The following CHN1 variants were observed in gnomAD, a reference collection of about 807,000 sequenced individuals.
CHN1 encodes N-chimaerin.
In CHN1, 37 loss-of-function variants were observed where a neutral mutation model predicts 59.5. The ratio of observed to expected loss-of-function variants is 0.62; its 90% CI spans 0.48 to 0.82. The LOEUF (loss-of-function observed/expected upper bound fraction) is 0.82. CHN1 is among the 40% of genes least tolerant of loss of function. The pLI, the probability that CHN1 is intolerant of heterozygous loss-of-function variation, is 0.00. For synonymous variants in CHN1, 206 were observed against 200.4 expected, an observed-to-expected ratio of 1.03 and a Z score of -0.24; for missense variants, 469 against 571.0, an observed-to-expected ratio of 0.82 and a Z score of 1.82.
chr2:174,880,971 G>C (rs1052052164), intron 5 of CHN1, among the ~76,000 whole-genome samples: 5 of 151,722 alleles, frequency 3.3e-5, no homozygotes, highest in African/African-American at 1.2e-4. Context: ...GCTTGAATCT[G>C]GGAGGTGGAG....
At chr2:174,932,579 T>G (rs1005621720) in intron 3 of CHN1, among the ~76,000 whole-genome samples, 1 of 152,202 alleles carries the variant, frequency 6.6e-6, no homozygotes, top group Non-Finnish European at 1.5e-5. Context: ...AAGTTAGTGA[T>G]ATGGTTTAGA....
At chr2:174,974,898 TACACACACACACACACACAC>T (rs373940330) in intron 1 of CHN1, among the ~76,000 whole-genome samples, 2 of 144,368 alleles carry the variant, frequency 1.4e-5, no homozygotes, top group East Asian at 4.1e-4. Flanking sequence ...AAATAATTAA[TACACACACACACACACACAC>T]ACACACACAC....
intron 11 of CHN1, among the ~76,000 whole-genome samples, chr2:174,805,010 A>G (rs1156542066): frequency 1.3e-5 from 2 of 152,258 alleles, no homozygotes; most frequent in Non-Finnish European, 1.5e-5. Context: ...CATTTTTTAT[A>G]GAACACAACT....
intron 1 of CHN1, among the ~76,000 whole-genome samples, chr2:174,965,446 G>C (rs1333675179): frequency 6.6e-6 from 1 of 152,030 alleles, no homozygotes; most frequent in Non-Finnish European, 1.5e-5. Flanking sequence ...TTAAATTTAA[G>C]CTGTTTATTT....
chr2:174,820,128 T>C (rs1250996776), intron 8 of CHN1, among the ~76,000 whole-genome samples: 2 of 152,182 alleles, frequency 1.3e-5, no homozygotes, highest in East Asian at 3.9e-4. Context: ...ACAATAAACA[T>C]ACGTGTGCAT....
intron 8 of CHN1, 67 bp downstream of exon 8, chr2:174,824,367 C>CT: frequency 2.6e-6 from 3 of 1,152,302 alleles, no homozygotes; most frequent in Non-Finnish European, 3.7e-6. Context: ...AACAACAAGT[C>CT]TCCTTCTACC....
chr2:174,868,895 T>C (rs1687312596), intron 6 of CHN1, among the ~76,000 whole-genome samples: 2 of 152,136 alleles, frequency 1.3e-5, no homozygotes, highest in Admixed American at 1.3e-4. Context: ...AGTTAGACTG[T>C]GAGAGGGAAA....
chr2:174,920,940 G>T (rs1466628333), intron 3 of CHN1: 1 of 429,128 alleles, frequency 2.3e-6, no homozygotes, highest in African/African-American at 2.0e-5. Context: ...GACAGTGACA[G>T]ATCATCAAGC....
At chr2:174,806,316 A>G (rs1684883906) in intron 11 of CHN1, among the ~76,000 whole-genome samples, 1 of 152,216 alleles carries the variant, frequency 6.6e-6, no homozygotes, top group Admixed American at 6.5e-5. Flanking sequence ...TTCCTCCAAG[A>G]AAGCTGCAAA....
chr2:174,956,054 A>C (rs1690193761), intron 1 of CHN1, among the ~76,000 whole-genome samples: 1 of 152,220 alleles, frequency 6.6e-6, no homozygotes, highest in Non-Finnish European at 1.5e-5. Flanking sequence ...ATTAAAAAAC[A>C]ATTGTGGAAA....
intron 6 of CHN1, among the ~76,000 whole-genome samples, chr2:174,869,764 G>A (rs1687345414): frequency 6.6e-6 from 1 of 152,202 alleles, no homozygotes; most frequent in Non-Finnish European, 1.5e-5. Context: ...CTCAAGGGAT[G>A]AGGACTACAG....
At position 174,813,847 on chromosome 2, in the gene CHN1, T is replaced by C. The variant is rs191378713; in HGVS notation, c.713-1365A>G. 1.3e-3 allele frequency among the ~76,000 whole-genome samples: 198 copies of C among 152,324 alleles called. 1 individual carries two copies. The highest frequency in any genetic ancestry group is 1.1e-3 in the Non-Finnish European group (73 of 68,024). ...GCTGTTTCTGGCAGAAAGACGATCC[T>C]AATATTCACCTCACAAAATTGTTTT... On this transcript the variant is annotated intron_variant, in intron 8 of 12. Transcript: ENST00000409900.
chr2:174,906,909 A>T (rs1574150766), intron 5 of CHN1, among the ~76,000 whole-genome samples: 1 of 152,166 alleles, frequency 6.6e-6, no homozygotes, highest in Non-Finnish European at 1.5e-5. Context: ...AAAGGGGGGA[A>T]AAAATGAGGA....
chr2:174,868,940 G>A (rs1441318169), intron 6 of CHN1, among the ~76,000 whole-genome samples: 1 of 152,186 alleles, frequency 6.6e-6, no homozygotes, highest in African/African-American at 2.4e-5. Context: ...TGTGGTACCT[G>A]GTACCATGAG....
At chr2:174,828,643 A>C (rs1685772353) in intron 7 of CHN1, among the ~76,000 whole-genome samples, 2 of 152,232 alleles carry the variant, frequency 1.3e-5, no homozygotes, top group Admixed American at 6.5e-5. Context: ...CTGTTTTAAA[A>C]ATGATGAAAT....
intron 1 of CHN1, among the ~76,000 whole-genome samples, chr2:175,002,547 C>A (rs1691924619): frequency 6.6e-6 from 1 of 152,108 alleles, no homozygotes; most frequent in South Asian, 2.1e-4. Context: ...CACCAACTCC[C>A]TATAAAAAGA....
At chr2:174,987,229 A>AG in intron 1 of CHN1, among the ~76,000 whole-genome samples, 1 of 152,156 alleles carries the variant, frequency 6.6e-6, no homozygotes, top group Non-Finnish European at 1.5e-5. Flanking sequence ...TAGGCGGGGC[A>AG]GGGGGCAGGG....
In CHN1 at chr2:174,847,327, T is replaced by G. The variant is rs1686554956; in HGVS notation, c.550-370A>C. Reference sequence around the variant, plus strand: ...GGTCGACTAACCAGCAAATTCTTCTTTCTTCCTTTTTTTTTCTTAAAGGGA... The same window carrying G: ...GGTCGACTAACCAGCAAATTCTTCTGTCTTCCTTTTTTTTTCTTAAAGGGA... On this transcript the variant is annotated intron_variant, in intron 6 of 12. Coordinates refer to ENST00000409900, the MANE Select transcript of CHN1 (RefSeq NM_001822.7). The G allele has an allele frequency of 2.3e-6, 3 of 1,311,454 alleles. No homozygotes were observed. The South Asian group carries it at 8.1e-5, about 35-fold the overall frequency. The allele number at this position is 1,311,454 out of a possible 1,614,324, so 81.2% of individuals were successfully genotyped here.
chr2:174,956,843 TAG>T (rs2105419721), intron 1 of CHN1, among the ~76,000 whole-genome samples: 1 of 150,478 alleles, frequency 6.6e-6, no homozygotes, highest in African/African-American at 2.4e-5. Flanking sequence ...ATGCAGCAAA[TAG>T]AGTCATTTCT....
Sources: allele counts gnomAD v4.1 joint callset (sites outside exome capture counted in the v4.1 genomes callset), GRCh38; gene constraint gnomAD v4.1.1; transcripts MANE v1.5; gene names NCBI Gene and HGNC (gene_info 2026-07-23, HGNC 2026-07-21).